The following TSEN2 variants were observed in gnomAD, a reference collection of about 807,000 sequenced individuals.
The protein encoded by TSEN2 is tRNA splicing endonuclease subunit 2, also known as tRNA-splicing endonuclease subunit Sen2.
In TSEN2, 54 loss-of-function variants were observed where a neutral mutation model predicts 59.2. The observed-to-expected ratio is 0.91, with a 90% CI of 0.73 to 1.14. The LOEUF (loss-of-function observed/expected upper bound fraction) is 1.14. TSEN2 is among the 50% of genes most tolerant of loss of function. The probability of loss-of-function intolerance (pLI) is 0.00; values close to 1 mark genes in which losing one functional copy is unlikely to be tolerated. For synonymous variants in TSEN2, 195 were observed against 198.2 expected (o/e 0.98, Z 0.14); for missense variants, 636 against 576.2 (o/e 1.10, Z -1.06).
Position 12,529,833 on chromosome 3 carries a change from C to T in TSEN2, c.1208C>T (p.Ser403Phe), listed in dbSNP as rs1180495174. The stretch of plus-strand genomic sequence containing the variant: ...CTCCGCAGGCCTCTCAGTTGGAAGT[C>T]CCTGGCTGCCTTGAGCAGAGTTTCC... The part of the protein sequence containing the change: ...GSLRRPLSWK[S>F]LAALSRVSVN... The change falls in exon 10 of 12, where the codon TCC (serine) becomes TTC (phenylalanine). Residue 403 changes from serine to phenylalanine, a missense_variant. By Grantham distance (155) the Ser-to-Phe change is radical (BLOSUM62 -2). Coordinates refer to ENST00000284995, the MANE Select transcript of TSEN2 (RefSeq NM_025265.4). 1 of 1,614,122 alleles carries T rather than the reference C, an allele frequency of 6.2e-7. No individual in the cohort carries two copies. Among genetic ancestry groups the T allele is most frequent in the South Asian group, 1.1e-5 (1 of 91,068 alleles).
intron 4 of TSEN2, among the ~76,000 whole-genome samples, chr3:12,502,949 A>G (rs1002647703): frequency 6.6e-6 from 1 of 151,974 alleles, no homozygotes; most frequent in Non-Finnish European, 1.5e-5. Flanking sequence ...GCAGATGCCT[A>G]TAGTCCCAGC....
intron 6 of TSEN2, among the ~76,000 whole-genome samples, chr3:12,512,154 G>A (rs907260559): frequency 6.6e-6 from 1 of 152,222 alleles, no homozygotes; most frequent in African/African-American, 2.4e-5. Flanking sequence ...AGCAATGTAT[G>A]TTCCTCATTG....
intron 11 of TSEN2, among the ~76,000 whole-genome samples, chr3:12,532,248 C>A (rs950356510): frequency 1.3e-5 from 2 of 152,168 alleles, no homozygotes; most frequent in African/African-American, 4.8e-5. Context: ...CACGTCTTCC[C>A]TTCAGTTGGT....
chr3:12,499,368 AC>A (rs1274699640), intron 4 of TSEN2, among the ~76,000 whole-genome samples: 4 of 152,174 alleles, frequency 2.6e-5, no homozygotes, highest in African/African-American at 9.7e-5. Context: ...CGAGGAAAAG[AC>A]CTAGTCCCTG....
chr3:12,528,840 T>G (rs1225317485), intron 8 of TSEN2, 48 bp from the exon 9 acceptor site: 1 of 1,603,812 alleles, frequency 6.2e-7, no homozygotes, highest in Non-Finnish European at 8.5e-7. Flanking sequence ...TACTCCTCTC[T>G]CATTATTTTG....
intron 4 of TSEN2, among the ~76,000 whole-genome samples, chr3:12,496,922 A>G (rs2053805803): frequency 6.6e-6 from 1 of 152,204 alleles, no homozygotes; most frequent in Non-Finnish European, 1.5e-5. Context: ...GTAGGGTCAG[A>G]GAAAGAGGCT....
At position 12,488,640 on chromosome 3, in the gene TSEN2, T is replaced by A. The variant is rs141690515; in HGVS notation, c.-17-1144T>A. Among the ~76,000 whole-genome samples, 20 of 152,338 alleles carry A rather than the reference T, an allele frequency of 1.3e-4. No homozygotes were observed. The East Asian group carries it at 3.9e-3, about 29-fold the overall frequency. Reference sequence around the variant, plus strand: ...CTTCCAGCTATGTTATATACTTGTTTTGTCTCCTTGGATCCAATGTATGGC... The same window carrying A: ...CTTCCAGCTATGTTATATACTTGTTATGTCTCCTTGGATCCAATGTATGGC... On this transcript the variant is annotated intron_variant, in intron 1 of 11. Transcript: ENST00000284995.
chr3:12,529,216 CA>C (rs1242937454), intron 9 of TSEN2, among the ~76,000 whole-genome samples: 3 of 152,120 alleles, frequency 2.0e-5, no homozygotes, highest in Non-Finnish European at 2.9e-5. Flanking sequence ...CCTGTAATCC[CA>C]GCACTTTGGG....
intron 2 of TSEN2, 121 bp from the exon 3 acceptor site, chr3:12,492,015 T>C: frequency 1.3e-6 from 1 of 788,378 alleles, no homozygotes. Context: ...CCGATTTTGG[T>C]ATCCACCAGA....
At chr3:12,534,845 G>A (rs1200892180), downstream of TSEN2, among the ~76,000 whole-genome samples, 1 of 150,370 alleles carries the variant, frequency 6.7e-6, no homozygotes, top group African/African-American at 2.5e-5. Context: ...TGTGGTGGTG[G>A]CACCTGTAAT....
upstream of TSEN2, among the ~76,000 whole-genome samples, chr3:12,480,528 G>GGTTTTTTTTT (rs1553565213): frequency 1.5e-4 from 14 of 91,736 alleles, no homozygotes; most frequent in South Asian, 6.7e-4. Context: ...TTGTTTCTTT[G>GGTTTTTTTTT]TTTTTTTTTT....
chr3:12,529,089 C>CTA (rs1559362838), intron 9 of TSEN2, among the ~76,000 whole-genome samples, 165 bp downstream of exon 9: 1 of 152,168 alleles, frequency 6.6e-6, no homozygotes, highest in Admixed American at 6.5e-5. Context: ...TGTCATTATA[C>CTA]TATATATAGG....
intron 6 of TSEN2, among the ~76,000 whole-genome samples, chr3:12,509,848 C>T (rs2055242913): frequency 6.6e-6 from 1 of 152,200 alleles, no homozygotes; most frequent in South Asian, 2.1e-4. Context: ...AAAGGCCCCA[C>T]CACCTGCCTT....
At chr3:12,491,631 T>C (rs931903446) in intron 2 of TSEN2, among the ~76,000 whole-genome samples, 20 of 152,166 alleles carry the variant, frequency 1.3e-4, no homozygotes, top group African/African-American at 4.8e-4. Context: ...CTAGTACTCT[T>C]GAAGCGATTA....
chr3:12,507,876 G>C (rs951762222), intron 6 of TSEN2, among the ~76,000 whole-genome samples: 1 of 152,240 alleles, frequency 6.6e-6, no homozygotes, highest in Admixed American at 6.5e-5. Context: ...CAGGGCTGAG[G>C]TGGAAAGCTT....
chr3:12,485,279 C>G (rs2052488932), intron 1 of TSEN2, among the ~76,000 whole-genome samples: 1 of 152,172 alleles, frequency 6.6e-6, no homozygotes, highest in Non-Finnish European at 1.5e-5. Context: ...AGCCACCTCT[C>G]CCTTTTTTGT....
chr3:12,497,565 CTA>C (rs1401943721), intron 4 of TSEN2, among the ~76,000 whole-genome samples: 7 of 152,128 alleles, frequency 4.6e-5, no homozygotes, highest in Non-Finnish European at 1.0e-4. Context: ...CTTGGAGGAG[CTA>C]TAGTGCAGAC....
At chr3:12,522,880 T>G (rs1342796647) in intron 8 of TSEN2, among the ~76,000 whole-genome samples, 1 of 152,164 alleles carries the variant, frequency 6.6e-6, no homozygotes, top group Non-Finnish European at 1.5e-5. Context: ...AGGGAGCCTT[T>G]CCTTACACTC....
chr3:12,521,763 A>C (rs991904380), intron 8 of TSEN2, among the ~76,000 whole-genome samples: 1 of 152,074 alleles, frequency 6.6e-6, no homozygotes, highest in African/African-American at 2.4e-5. Flanking sequence ...TGTAATCCCA[A>C]CACTTTGGGA....
Sources: allele counts gnomAD v4.1 joint callset (sites outside exome capture counted in the v4.1 genomes callset), GRCh38; gene constraint gnomAD v4.1.1; transcripts MANE v1.5; gene names NCBI Gene and HGNC (gene_info 2026-07-23, HGNC 2026-07-21).